The following HNRNPA3 variants were observed in gnomAD, a reference collection of about 807,000 sequenced individuals.
HNRNPA3 encodes epididymis secretory sperm binding protein.
A neutral mutation model predicts 45.8 loss-of-function variants in HNRNPA3; 3 were observed. The ratio of observed to expected loss-of-function variants is 0.07; its 90% CI spans 0.03 to 0.17. The LOEUF (loss-of-function observed/expected upper bound fraction) is 0.17, where lower values mean the gene tolerates loss of function less well. Ranked by LOEUF, HNRNPA3 falls within the 10% of genes least tolerant of loss-of-function variation. The pLI, the probability that HNRNPA3 is intolerant of heterozygous loss-of-function variation, is 1.00. For synonymous variants in HNRNPA3, 170 were observed against 155.6 expected (o/e 1.09, Z -0.69); for missense variants, 183 against 480.3 (o/e 0.38, Z 5.79).
chr2:177,218,063 T>TTTTC (rs1553485306), intron 8 of HNRNPA3, among the ~76,000 whole-genome samples: 14 of 16,470 alleles, frequency 8.5e-4, no homozygotes, highest in Non-Finnish European at 5.5e-3. Flanking sequence ...TTTTTTTTTT[T>TTTTC]TTTTTTTTTT....
chr2:177,222,147 T>C (rs1461852719), downstream of HNRNPA3: 1 of 152,644 alleles, frequency 6.6e-6, no homozygotes, highest in African/African-American at 2.4e-5. Flanking sequence ...AGGTTTGTAG[T>C]TGACAGTAAA....
At chr2:177,217,878 AT>A in intron 8 of HNRNPA3, 33 bp downstream of exon 8, 1 of 1,523,802 alleles carries the variant, frequency 6.6e-7, no homozygotes, top group Non-Finnish European at 8.8e-7. Flanking sequence ...TAAATGTTAA[AT>A]ATTCAGTGTT....
downstream of HNRNPA3, chr2:177,220,449 A>G (rs1689139554): frequency 6.5e-6 from 1 of 154,464 alleles, no homozygotes; most frequent in Admixed American, 6.5e-5. Flanking sequence ...CAAGAGGCCC[A>G]TAAATCTTGA....
chr2:177,218,122 C>G (rs1240959689), intron 8 of HNRNPA3, among the ~76,000 whole-genome samples: 1 of 138,396 alleles, frequency 7.2e-6, no homozygotes, highest in African/African-American at 2.9e-5. Flanking sequence ...AGTGCAGTGG[C>G]GTGATCTCAG....
intron 7 of HNRNPA3, 46 bp from the exon 8 acceptor site, chr2:177,217,659 A>G (rs761568574): frequency 6.2e-7 from 1 of 1,609,592 alleles, no homozygotes; most frequent in Non-Finnish European, 8.5e-7. Context: ...TAACGTGACT[A>G]TACACTTAAG....
chr2:177,223,723 C>T (rs1020396375), downstream of HNRNPA3: 13 of 152,148 alleles, frequency 8.5e-5, no homozygotes, highest in African/African-American at 3.1e-4. Flanking sequence ...TTCAAAATTA[C>T]TTTAAAACTT....
downstream of HNRNPA3, chr2:177,220,820 A>G (rs1310685132): frequency 6.6e-6 from 1 of 152,642 alleles, no homozygotes; most frequent in African/African-American, 2.4e-5. Flanking sequence ...TAATAAGGTC[A>G]TATATACATA....
chr2:177,216,841 A>G lies in HNRNPA3; in HGVS notation c.740-19A>G. 6.2e-7 allele frequency: 1 copy of G among 1,612,548 alleles called. No individual in the cohort carries two copies. The highest frequency in any genetic ancestry group is 8.5e-7 in the Non-Finnish European group (1 of 1,179,732). On this transcript the variant is annotated intron_variant, in intron 6 of 10. Coordinates refer to ENST00000392524, the Ensembl canonical transcript of HNRNPA3. ...TAAGTTGAATATATTATTTTAATTC[A>G]TTTCTTGTTTTTCCTCAGGAGGCTA...
At chr2:177,216,903 AGGAGGTGATGGTGGATATAATGGATTT>A in exon 7 of HNRNPA3, 1 of 1,592,286 alleles carries the variant, frequency 6.3e-7, no homozygotes, top group Non-Finnish European at 8.6e-7. Flanking sequence ...GTAGTTATGG[AGGAGGTGATGGTGGATATAATGGATTT>A]GGAGGTGATG....
downstream of HNRNPA3, chr2:177,222,271 T>C (rs1277946134): frequency 6.6e-6 from 1 of 152,326 alleles, no homozygotes; most frequent in Non-Finnish European, 1.5e-5. Flanking sequence ...CTTGGTACCA[T>C]GTCCTACACG....
chr2:177,219,845 GT>G (rs894346415), exon 11 of HNRNPA3: 1 of 152,654 alleles, frequency 6.6e-6, no homozygotes, highest in Non-Finnish European at 1.5e-5. Flanking sequence ...TTTCGAAGGT[GT>G]TTCCTTGTGA....
chr2:177,213,347 C>G (rs975463740), intron 1 of HNRNPA3, among the ~76,000 whole-genome samples: 2 of 152,198 alleles, frequency 1.3e-5, no homozygotes, highest in African/African-American at 2.4e-5. Flanking sequence ...GGAAAGCGAG[C>G]CTGGGATTGG....
exon 4 of HNRNPA3, chr2:177,216,024 TTGG>T (rs1688918761): frequency 1.3e-6 from 2 of 1,596,312 alleles, no homozygotes; most frequent in Non-Finnish European, 1.7e-6. Context: ...AAAATTTTTG[TTGG>T]TGGTATTAAA....
rs546377653 is a variant in HNRNPA3 at position 177,217,243 on chromosome 2, C to A, written c.820+303C>A. On this transcript the variant is annotated intron_variant, in intron 7 of 10. Transcript: ENST00000392524. ...TTTTACTATCAGAAGATGGGTTACA[C>A]ATTTATTTTTCATTCTTACTAGTGC... Among the ~76,000 whole-genome samples, 7 of 152,164 alleles carry A rather than the reference C, an allele frequency of 4.6e-5. No homozygotes were observed. The East Asian group carries it at 1.4e-3, about 29-fold the overall frequency.
chr2:177,213,546 C>CT (rs1376773406), intron 1 of HNRNPA3, among the ~76,000 whole-genome samples: 3 of 152,154 alleles, frequency 2.0e-5, no homozygotes, highest in Admixed American at 6.5e-5. Context: ...TTGTTAAAAA[C>CT]TTTGCTGCTT....
At chr2:177,214,278 A>T (rs1688827600) in intron 1 of HNRNPA3, among the ~76,000 whole-genome samples, 1 of 152,262 alleles carries the variant, frequency 6.6e-6, no homozygotes, top group Non-Finnish European at 1.5e-5. Context: ...CTTGCCAGTT[A>T]GTTGTGACTC....
chr2:177,213,172 G>A lies in HNRNPA3; in HGVS notation c.72+301G>A, dbSNP rs918678378. ...AGCGAGGCCGAGGGCGGCATGGCGG[G>A]CCCCGGCGGGAGCGGTTGGGAGGAG... On this transcript the variant is annotated intron_variant, in intron 1 of 10. Transcript: ENST00000392524. Among the ~76,000 whole-genome samples, 75 of 151,922 alleles carry A rather than the reference G, an allele frequency of 4.9e-4. 1 individual carries two copies. Among genetic ancestry groups the A allele is most frequent in the Non-Finnish European group, 9.0e-4 (61 of 67,928 alleles).
At position 177,215,966 on chromosome 2, in the gene HNRNPA3, C is replaced by T. The variant is rs760551007; in HGVS notation, c.343-12C>T. ...GTTTGTTTCTTGACTTAATATATTACTTTATTTGTAGGATTCTGTAAAGCC... is the reference window on the plus strand; with the variant it reads ...GTTTGTTTCTTGACTTAATATATTATTTTATTTGTAGGATTCTGTAAAGCC... On this transcript the variant is annotated splice_polypyrimidine_tract_variant and intron_variant, in intron 3 of 10. Coordinates refer to ENST00000392524, the Ensembl canonical transcript of HNRNPA3. The T allele has an allele frequency of 7.1e-5, 113 of 1,601,154 alleles. No homozygotes were observed. The Admixed American group carries it at 2.0e-3, about 28-fold the overall frequency.
intron 8 of HNRNPA3, 27 bp from the exon 9 acceptor site, chr2:177,219,010 C>G (rs1417438858): frequency 6.2e-7 from 1 of 1,608,608 alleles, no homozygotes; most frequent in Non-Finnish European, 8.5e-7. Context: ...TGTAGGTAAA[C>G]CACACATAAA....
Sources: gnomAD v4.1 joint callset for allele counts (sites outside exome capture counted in the v4.1 genomes callset) on GRCh38, gnomAD v4.1.1 for gene constraint, MANE v1.5 for transcripts, NCBI Gene and HGNC (gene_info 2026-07-23, HGNC 2026-07-21) for gene names.